The following EPSTI1 variants were observed in gnomAD, a reference collection of about 807,000 sequenced individuals.
The protein encoded by EPSTI1 is epithelial stromal interaction 1.
Under a neutral mutation model 49.9 loss-of-function variants are expected in EPSTI1, and 66 were observed. The observed-to-expected ratio is 1.32, with a 90% CI of 1.08 to 1.62. The LOEUF (loss-of-function observed/expected upper bound fraction) is 1.62. EPSTI1 is among the 40% of genes most tolerant of loss of function. The probability of loss-of-function intolerance (pLI) is 0.00; values close to 1 mark genes in which losing one functional copy is unlikely to be tolerated. For missense variants in EPSTI1, 394 were observed against 365.5 expected, an observed-to-expected ratio of 1.08 and a Z score of -0.64; for synonymous variants, 137 against 130.7, an observed-to-expected ratio of 1.05 and a Z score of -0.33.
At chr13:42,938,889 T>G (rs1312830523) in intron 6 of EPSTI1, among the ~76,000 whole-genome samples, 2 of 106,250 alleles carry the variant, frequency 1.9e-5, no homozygotes, top group South Asian at 6.5e-4. Context: ...CACTCCAGCC[T>G]GGGAGACAGA....
intron 7 of EPSTI1, among the ~76,000 whole-genome samples, chr13:42,920,468 C>T (rs1487148487): frequency 6.6e-6 from 1 of 152,082 alleles, no homozygotes; most frequent in Non-Finnish European, 1.5e-5. Flanking sequence ...TAGAGGACAC[C>T]TATGGGGAGC....
chr13:42,889,265 T>A (rs1029229008), intron 10 of EPSTI1: 2 of 1,413,032 alleles, frequency 1.4e-6, no homozygotes, highest in Admixed American at 2.5e-5. Flanking sequence ...AAAAATATAT[T>A]TTTTACATAT....
chr13:42,938,001 A>C (rs1425155096), intron 6 of EPSTI1, among the ~76,000 whole-genome samples: 1 of 152,172 alleles, frequency 6.6e-6, no homozygotes, highest in Non-Finnish European at 1.5e-5. Context: ...CAGAATGGAG[A>C]CTGCGTTAGC....
intron 1 of EPSTI1, among the ~76,000 whole-genome samples, chr13:42,980,102 A>G (rs1008887074): frequency 1.3e-5 from 2 of 152,084 alleles, no homozygotes; most frequent in African/African-American, 4.8e-5. Context: ...GGAAAAGATT[A>G]TTTCCTCATG....
At chr13:42,944,911 T>C (rs2153426496) in intron 6 of EPSTI1, among the ~76,000 whole-genome samples, 1 of 152,342 alleles carries the variant, frequency 6.6e-6, no homozygotes, top group South Asian at 2.1e-4. Flanking sequence ...CTTCTGCTTC[T>C]TTATCAATTA....
At chr13:42,951,021 G>A (rs918363813) in intron 6 of EPSTI1, among the ~76,000 whole-genome samples, 2 of 152,100 alleles carry the variant, frequency 1.3e-5, no homozygotes, top group African/African-American at 4.8e-5. Flanking sequence ...ATTGGGTGTG[G>A]TGGCATTCAC....
Position 42,992,056 on chromosome 13 carries a change from A to T in EPSTI1, c.110T>A (p.Val37Glu), listed in dbSNP as rs766294635. The change falls in exon 1 of 11, where the codon GTG becomes GAG. Residue 37 changes from valine to glutamate, a missense_variant. By Grantham distance (121) the Val-to-Glu change is moderately radical (BLOSUM62 -2). Coordinates refer to ENST00000313624, the MANE Select transcript of EPSTI1 (RefSeq NM_033255.5). ...PSGRQGELSP[V>E]EDQREGLEAA... Reference sequence around the variant, plus strand: ...CTCCAAACCCTCTCTCTGGTCTTCCACGGGGCTCAGCTCCCCTTGCCGCCC... The same window carrying T: ...CTCCAAACCCTCTCTCTGGTCTTCCTCGGGGCTCAGCTCCCCTTGCCGCCC... The T allele has an allele frequency of 6.2e-7, 1 of 1,613,360 alleles. No homozygotes were observed. Among genetic ancestry groups the T allele is most frequent in the Non-Finnish European group, 8.5e-7 (1 of 1,180,014 alleles).
intron 8 of EPSTI1, among the ~76,000 whole-genome samples, chr13:42,901,605 G>T (rs1003813174): frequency 6.6e-6 from 1 of 152,076 alleles, no homozygotes; most frequent in East Asian, 1.9e-4. Flanking sequence ...TCATTTTTTA[G>T]TCTACCAAAT....
intron 10 of EPSTI1, among the ~76,000 whole-genome samples, chr13:42,892,287 T>A (rs766907745): frequency 3.1e-4 from 47 of 152,244 alleles, no homozygotes; most frequent in Non-Finnish European, 5.9e-4. Flanking sequence ...GAATCTGACT[T>A]CTGTCAGTCT....
At chr13:42,973,737 T>C (rs533663724) in intron 1 of EPSTI1, among the ~76,000 whole-genome samples, 1 of 152,352 alleles carries the variant, frequency 6.6e-6, no homozygotes, top group African/African-American at 2.4e-5. Flanking sequence ...TTTTAACCTA[T>C]GTGCTATCTC....
At chr13:42,920,998 G>C (rs577288523) in intron 7 of EPSTI1, among the ~76,000 whole-genome samples, 1 of 152,048 alleles carries the variant, frequency 6.6e-6, no homozygotes, top group African/African-American at 2.4e-5. Flanking sequence ...TAGAAAAAAG[G>C]TAGTCACAGA....
chr13:42,900,266 T>C, intron 9 of EPSTI1, 44 bp downstream of exon 9: 1 of 1,526,738 alleles, frequency 6.5e-7, no homozygotes, highest in South Asian at 1.1e-5. Flanking sequence ...ACTTTCTAGG[T>C]AATTGATTTA....
chr13:42,936,367 C>T (rs1478168604), intron 6 of EPSTI1, among the ~76,000 whole-genome samples: 2 of 152,208 alleles, frequency 1.3e-5, no homozygotes, highest in East Asian at 1.9e-4. Context: ...TCCATTTACT[C>T]GTAAGTCCAA....
intron 10 of EPSTI1, among the ~76,000 whole-genome samples, chr13:42,890,296 C>CTTTTTTT (rs71202241): frequency 1.6e-4 from 19 of 116,300 alleles, no homozygotes; most frequent in East Asian, 1.3e-3. Context: ...TTTTTCTTTT[C>CTTTTTTT]TTTTTTTTTT....
intron 7 of EPSTI1, among the ~76,000 whole-genome samples, chr13:42,918,894 C>G (rs577399563): frequency 1.7e-4 from 26 of 151,800 alleles, no homozygotes; most frequent in Middle Eastern, 3.4e-3. Context: ...AGAAGGCTAG[C>G]CTTTATCACA....
At chr13:42,968,954 A>ACACACACACACACAC (rs5803160) in intron 3 of EPSTI1, 140 bp downstream of exon 3, 25,179 of 536,920 alleles carry the variant, frequency 0.047, 1,780 homozygotes, top group South Asian at 0.092. Context: ...ACACACACAC[A>ACACACACACACACAC]ATTAAATGCA....
At chr13:42,896,922 A>G (rs2037206534) in intron 9 of EPSTI1, among the ~76,000 whole-genome samples, 1 of 152,048 alleles carries the variant, frequency 6.6e-6, no homozygotes, top group African/African-American at 2.4e-5. Context: ...CAACCTGGCA[A>G]AACCTCATCT....
intron 6 of EPSTI1, among the ~76,000 whole-genome samples, chr13:42,945,515 A>T (rs2038893668): frequency 1.3e-5 from 2 of 152,246 alleles, no homozygotes; most frequent in Non-Finnish European, 2.9e-5. Context: ...GGAGTCTGGA[A>T]TTCATTTTAT....
At chr13:42,901,887 G>C (rs987431415) in intron 8 of EPSTI1, among the ~76,000 whole-genome samples, 2 of 151,890 alleles carry the variant, frequency 1.3e-5, no homozygotes, top group African/African-American at 4.8e-5. Context: ...TCTAGCATTA[G>C]GTATATCTCC....
Sources: allele counts gnomAD v4.1 joint callset (sites outside exome capture counted in the v4.1 genomes callset), GRCh38; gene constraint gnomAD v4.1.1; transcripts MANE v1.5; gene names NCBI Gene and HGNC (gene_info 2026-07-23, HGNC 2026-07-21).